ADAMTS12: variants seen among roughly 807,000 people sequenced by gnomAD.
ADAMTS12 encodes the protein A disintegrin and metalloproteinase with thrombospondin motifs 12.
In ADAMTS12, 118 loss-of-function variants were observed where a neutral mutation model predicts 167.8. That is an observed-to-expected ratio of 0.70 (90% CI 0.61 to 0.82). The LOEUF is 0.82. Among genes scored for constraint, ADAMTS12 ranks in the 40% least tolerant of loss-of-function variants. The pLI is 0.00. For missense variants in ADAMTS12, 1,916 were observed against 1,998.8 expected (o/e 0.96, Z 0.79); for synonymous variants, 704 against 716.9 (o/e 0.98, Z 0.29).
chr5:33,720,361 T>A (rs1385944474), intron 3 of ADAMTS12, among the ~76,000 whole-genome samples: 2 of 151,810 alleles, frequency 1.3e-5, no homozygotes, highest in Admixed American at 6.6e-5. Context: ...CCATTAAGTA[T>A]TTTATTCTGG....
At chr5:33,578,200 C>G (rs1399336497) in intron 18 of ADAMTS12, among the ~76,000 whole-genome samples, 1 of 152,136 alleles carries the variant, frequency 6.6e-6, no homozygotes, top group African/African-American at 2.4e-5. Context: ...TCCCTGACCT[C>G]AAAGCACATT....
At chr5:33,651,956 C>G (rs1004829489) in intron 7 of ADAMTS12, among the ~76,000 whole-genome samples, 6 of 152,016 alleles carry the variant, frequency 3.9e-5, no homozygotes, top group African/African-American at 1.2e-4. Flanking sequence ...TATGTTGCTG[C>G]GCAAGACATG....
chr5:33,635,787 A>G lies in ADAMTS12; in HGVS notation c.1888+1790T>C, dbSNP rs146859191. 2.6e-3 allele frequency among the ~76,000 whole-genome samples: 393 copies of G among 152,344 alleles called. 3 individuals carry two copies. Among genetic ancestry groups the G allele is most frequent in the African/African-American group, 8.8e-3 (364 of 41,586 alleles). On this transcript the variant is annotated intron_variant, in intron 12 of 23. Coordinates refer to ENST00000504830, the MANE Select transcript of ADAMTS12 (RefSeq NM_030955.4). The stretch of plus-strand genomic sequence containing the variant: ...CTAAGCAAATAGCAACTCTGTAGAC[A>G]GAGTATAATGGGGAAAGTCATCAGT...
intron 2 of ADAMTS12, among the ~76,000 whole-genome samples, chr5:33,773,083 C>T (rs985586577): frequency 1.3e-5 from 2 of 152,198 alleles, no homozygotes; most frequent in African/African-American, 4.8e-5. Context: ...GCATAAATAA[C>T]CAGGATTCTT....
intron 5 of ADAMTS12, among the ~76,000 whole-genome samples, chr5:33,671,394 G>C (rs539407189): frequency 1.3e-5 from 2 of 152,214 alleles, no homozygotes; most frequent in East Asian, 3.9e-4. Context: ...ATTGTACTAA[G>C]ATTACACAAG....
Position 33,775,284 on chromosome 5 carries a change from T to A in ADAMTS12, c.490-23736A>T, listed in dbSNP as rs542246471. ...TAAAGCTATTATGTCACTTATACTT[T>A]GGGCAACAAACGGAAGAACATAAGA... On this transcript the variant is annotated intron_variant, in intron 2 of 23. Transcript: ENST00000504830. Among the ~76,000 whole-genome samples, 43 of 152,276 alleles carry A rather than the reference T, an allele frequency of 2.8e-4. No individual in the cohort carries two copies. In the South Asian group the frequency reaches 4.6e-3, roughly 16 times the overall value.
At chr5:33,656,625 T>C (rs1489171695) in intron 7 of ADAMTS12, among the ~76,000 whole-genome samples, 2 of 152,218 alleles carry the variant, frequency 1.3e-5, no homozygotes, top group African/African-American at 4.8e-5. Flanking sequence ...GGTTTGAGTA[T>C]ACCATTGTTG....
intron 2 of ADAMTS12, among the ~76,000 whole-genome samples, chr5:33,811,261 C>T (rs538380079): frequency 6.6e-6 from 1 of 152,190 alleles, no homozygotes; most frequent in South Asian, 2.1e-4. Context: ...CTTCAAAATC[C>T]CCCAGGGAGT....
chr5:33,857,848 T>C (rs560454977), intron 2 of ADAMTS12, among the ~76,000 whole-genome samples: 1 of 152,252 alleles, frequency 6.6e-6, no homozygotes, highest in East Asian at 1.9e-4. Flanking sequence ...ACAACAGAGA[T>C]GCAAAATATG....
chr5:33,766,322 C>A (rs139930836), intron 2 of ADAMTS12, among the ~76,000 whole-genome samples: 1 of 152,068 alleles, frequency 6.6e-6, no homozygotes, highest in South Asian at 2.1e-4. Flanking sequence ...AAATCCATAA[C>A]CCCAGTCTAA....
At chr5:33,543,817 C>A (rs960209003) in intron 22 of ADAMTS12, among the ~76,000 whole-genome samples, 1 of 152,188 alleles carries the variant, frequency 6.6e-6, no homozygotes, top group Non-Finnish European at 1.5e-5. Context: ...AACACCCCTT[C>A]ATGCTAAAAG....
Position 33,683,964 on chromosome 5 carries a change from G to T in ADAMTS12, c.726C>A (p.Ile242=). ...GTGTCTCCACCCATCTCTCCTTGCTGATGGAACGCCGAGAGAGGCTTCTGC... is the reference window on the plus strand; with the variant it reads ...GTGTCTCCACCCATCTCTCCTTGCTTATGGAACGCCGAGAGAGGCTTCTGC... ...LPSRSLSRRS[I]SKERWVETLV... The change falls in exon 4 of 24, where the codon ATC becomes ATA. Residue 242 remains isoleucine (I), a synonymous_variant. Coordinates refer to ENST00000504830, the MANE Select transcript of ADAMTS12 (RefSeq NM_030955.4). 1 of 1,612,634 alleles carries T rather than the reference G, an allele frequency of 6.2e-7. No individual in the cohort carries two copies. The highest frequency in any genetic ancestry group is 8.5e-7 in the Non-Finnish European group (1 of 1,179,528).
At chr5:33,559,414 G>A (rs745724092) in intron 20 of ADAMTS12, among the ~76,000 whole-genome samples, 1 of 152,130 alleles carries the variant, frequency 6.6e-6, no homozygotes, top group Non-Finnish European at 1.5e-5. Context: ...CCCAAGAACT[G>A]GTTAAGCCCT....
intron 2 of ADAMTS12, among the ~76,000 whole-genome samples, chr5:33,839,832 C>G (rs1295582611): frequency 6.6e-6 from 1 of 152,176 alleles, no homozygotes; most frequent in African/African-American, 2.4e-5. Flanking sequence ...TTTTTGTTCA[C>G]TATAAACAAA....
intron 1 of ADAMTS12, among the ~76,000 whole-genome samples, chr5:33,890,729 G>A (rs1353643173): frequency 6.6e-6 from 1 of 152,182 alleles, no homozygotes; most frequent in Non-Finnish European, 1.5e-5. Context: ...GTGTGTGCGT[G>A]TGTGTCCCTA....
chr5:33,779,083 T>C (rs1746019184), intron 2 of ADAMTS12, among the ~76,000 whole-genome samples: 1 of 152,114 alleles, frequency 6.6e-6, no homozygotes. Flanking sequence ...ACAGCCATTA[T>C]AGAAAACATT....
intron 9 of ADAMTS12, among the ~76,000 whole-genome samples, chr5:33,644,778 TG>T (rs1381209829): frequency 1.3e-5 from 2 of 151,636 alleles, no homozygotes; most frequent in Admixed American, 6.6e-5. Flanking sequence ...TCATCCAGGC[TG>T]GAGTGCAGTG....
intron 2 of ADAMTS12, among the ~76,000 whole-genome samples, chr5:33,867,052 A>G (rs903640840): frequency 3.3e-5 from 5 of 152,170 alleles, no homozygotes; most frequent in Non-Finnish European, 7.4e-5. Flanking sequence ...ACAGTATGGA[A>G]ATTTCCTAAA....
intron 1 of ADAMTS12, chr5:33,891,519 C>A: frequency 1.6e-6 from 1 of 636,138 alleles, no homozygotes; most frequent in East Asian, 2.8e-5. Flanking sequence ...AGGTACTCAC[C>A]TTTCTATAAG....
Sources: gnomAD v4.1 joint callset for allele counts (sites outside exome capture counted in the v4.1 genomes callset) on GRCh38, gnomAD v4.1.1 for gene constraint, MANE v1.5 for transcripts, NCBI Gene and HGNC (gene_info 2026-07-23, HGNC 2026-07-21) for gene names.